The following DCC variants were observed in gnomAD, a reference collection of about 807,000 sequenced individuals.
DCC encodes the protein netrin receptor DCC.
DCC carries 58 observed loss-of-function variants against 172.5 expected under a neutral mutation model. The observed-to-expected ratio is 0.34, with a 90% CI of 0.27 to 0.42. DCC has a LOEUF of 0.42. Ranked by LOEUF, DCC falls within the 10% of genes least tolerant of loss-of-function variation. The probability of loss-of-function intolerance (pLI) is 1.00; values close to 1 mark genes in which losing one functional copy is unlikely to be tolerated. For missense variants in DCC, 1,740 were observed against 1,791.0 expected, an observed-to-expected ratio of 0.97 and a Z score of 0.51; for synonymous variants, 709 against 644.5, an observed-to-expected ratio of 1.10 and a Z score of -1.52.
intron 7 of DCC, among the ~76,000 whole-genome samples, chr18:53,087,083 G>A (rs1028520514): frequency 2.0e-5 from 3 of 151,910 alleles, no homozygotes; most frequent in African/African-American, 7.3e-5. Flanking sequence ...TGTCTTTATA[G>A]CAGCATGATT....
intron 1 of DCC, among the ~76,000 whole-genome samples, chr18:52,426,043 C>A (rs1235366490): frequency 6.6e-6 from 1 of 152,080 alleles, no homozygotes; most frequent in African/African-American, 2.4e-5. Context: ...CACAGAAGCA[C>A]ATAGCAATTT....
At chr18:53,458,049 A>C (rs759449354) in intron 23 of DCC, among the ~76,000 whole-genome samples, 2 of 152,196 alleles carry the variant, frequency 1.3e-5, no homozygotes, top group African/African-American at 2.4e-5. Context: ...CACTGAGAGT[A>C]GCTTGTATGA....
At chr18:52,669,339 A>G (rs536322717) in intron 1 of DCC, among the ~76,000 whole-genome samples, 1 of 152,214 alleles carries the variant, frequency 6.6e-6, no homozygotes, top group Non-Finnish European at 1.5e-5. Context: ...CTCCTAAACC[A>G]TAATTTCTAA....
Position 53,499,264 on chromosome 18 carries a change from G to C in DCC, c.3899-34G>C, listed in dbSNP as rs370013025. 57 of 1,608,724 alleles carry C rather than the reference G, an allele frequency of 3.5e-5. No individual in the cohort carries two copies. The African/African-American group carries it at 7.0e-4, about 20-fold the overall frequency. Reference sequence around the variant, plus strand: ...CTTAAGGAAAACAGACTTTGTCCAGGAATAATGAATGACTTTTCTTGTCTC... The same window carrying C: ...CTTAAGGAAAACAGACTTTGTCCAGCAATAATGAATGACTTTTCTTGTCTC... On this transcript the variant is annotated intron_variant, in intron 26 of 28. Transcript: ENST00000442544.
chr18:53,151,495 T>C (rs551424439), intron 7 of DCC, among the ~76,000 whole-genome samples: 1 of 152,322 alleles, frequency 6.6e-6, no homozygotes, highest in Admixed American at 6.5e-5. Flanking sequence ...TTATTCATTT[T>C]TATCTAAAAT....
chr18:52,869,935 C>T (rs773078006), intron 2 of DCC, among the ~76,000 whole-genome samples: 36 of 152,264 alleles, frequency 2.4e-4, no homozygotes, highest in Admixed American at 3.3e-4. Context: ...CTGGGTCCTG[C>T]GACAGGGAGG....
chr18:52,882,447 GC>G (rs1232990206), intron 2 of DCC, among the ~76,000 whole-genome samples: 2 of 151,636 alleles, frequency 1.3e-5, no homozygotes, highest in African/African-American at 2.4e-5. Flanking sequence ...TCTTGGTGGT[GC>G]TTTTACTGTA....
At chr18:53,202,747 C>A (rs555954486) in intron 9 of DCC, among the ~76,000 whole-genome samples, 1 of 152,140 alleles carries the variant, frequency 6.6e-6, no homozygotes, top group Non-Finnish European at 1.5e-5. Context: ...AGAGAGAGAG[C>A]TTGTGCCTCT....
intron 1 of DCC, among the ~76,000 whole-genome samples, chr18:52,404,807 C>T (rs1045089041): frequency 8.8e-6 from 1 of 113,084 alleles, no homozygotes; most frequent in South Asian, 3.2e-4. Flanking sequence ...TGCTATCCCT[C>T]CCCCCTCCCC....
chr18:53,014,703 G>T (rs997958696), intron 5 of DCC, among the ~76,000 whole-genome samples: 4 of 151,936 alleles, frequency 2.6e-5, no homozygotes, highest in Non-Finnish European at 5.9e-5. Context: ...CTATGAGAAG[G>T]CTCACGTGTT....
intron 14 of DCC, 56 bp from the exon 15 acceptor site, chr18:53,339,657 C>A: frequency 1.5e-6 from 2 of 1,334,866 alleles, no homozygotes; most frequent in Non-Finnish European, 2.2e-6. Flanking sequence ...TGGTGTTCTG[C>A]CGTGCTACAT....
chr18:52,724,605 G>T (rs2036523804), intron 1 of DCC, among the ~76,000 whole-genome samples: 1 of 152,080 alleles, frequency 6.6e-6, no homozygotes. Context: ...ATCTTCCTAA[G>T]ATTTACCAAC....
chr18:53,090,680 C>CGAAA lies in DCC; in HGVS notation c.1261+24515_1261+24518dup, dbSNP rs1204734767. ...CTGCACTCCAGCCTGGGTGACAGAGCGAAACTCCGTCCCCCAACAAAAAAA... is the reference window on the plus strand; with the variant it reads ...CTGCACTCCAGCCTGGGTGACAGAGCGAAAGAAACTCCGTCCCCCAACAAAAAAA... On this transcript the variant is annotated intron_variant, in intron 7 of 28. Transcript: ENST00000442544. Among the ~76,000 whole-genome samples the CGAAA allele has an allele frequency of 3.5e-5, 3 of 85,048 alleles. No homozygotes were observed. The Admixed American group carries it at 6.0e-4, about 17-fold the overall frequency. The allele number at this position is 85,048 out of a possible 152,430, so 55.8% of individuals were successfully genotyped here.
At chr18:52,375,480 C>A (rs1985309408) in intron 1 of DCC, among the ~76,000 whole-genome samples, 1 of 152,130 alleles carries the variant, frequency 6.6e-6, no homozygotes, top group African/African-American at 2.4e-5. Flanking sequence ...CTTTATTATT[C>A]ATTATGAAAT....
intron 7 of DCC, among the ~76,000 whole-genome samples, chr18:53,124,352 C>T (rs2043524789): frequency 6.6e-6 from 1 of 151,926 alleles, no homozygotes; most frequent in Non-Finnish European, 1.5e-5. Context: ...AAACTGTATA[C>T]ATAATAAACA....
chr18:53,311,491 T>G (rs1384843694), intron 13 of DCC, among the ~76,000 whole-genome samples: 1 of 152,170 alleles, frequency 6.6e-6, no homozygotes, highest in African/African-American at 2.4e-5. Flanking sequence ...CTCCACTAGT[T>G]AAGGAGATGA....
intron 5 of DCC, among the ~76,000 whole-genome samples, chr18:52,987,428 A>G (rs907936906): frequency 1.3e-5 from 2 of 152,148 alleles, no homozygotes; most frequent in African/African-American, 4.8e-5. Flanking sequence ...TTTTTTTACA[A>G]CGTAAGACCA....
At chr18:52,608,448 C>G (rs1448066133) in intron 1 of DCC, among the ~76,000 whole-genome samples, 1 of 152,154 alleles carries the variant, frequency 6.6e-6, no homozygotes, top group Non-Finnish European at 1.5e-5. Context: ...GGAGAAGACG[C>G]TCTCTGAACC....
intron 15 of DCC, among the ~76,000 whole-genome samples, chr18:53,344,136 T>C (rs776876364): frequency 1.3e-5 from 2 of 152,198 alleles, no homozygotes; most frequent in South Asian, 2.1e-4. Flanking sequence ...TCTACTGTTA[T>C]CTTGACTACT....
Sources: allele counts gnomAD v4.1 joint callset (sites outside exome capture counted in the v4.1 genomes callset), GRCh38; gene constraint gnomAD v4.1.1; transcripts MANE v1.5; gene names NCBI Gene and HGNC (gene_info 2026-07-23, HGNC 2026-07-21).